The following NRXN1 variants were observed in gnomAD, a reference collection of about 807,000 sequenced individuals.
NRXN1 encodes neurexin 1, also known as neurexin-1.
NRXN1 carries 39 observed loss-of-function variants against 150.9 expected under a neutral mutation model. That is an observed-to-expected ratio of 0.26 (90% CI 0.20 to 0.34). The LOEUF is 0.34. Among genes scored for constraint, NRXN1 ranks in the 10% least tolerant of loss-of-function variants. The probability of loss-of-function intolerance (pLI) is 1.00; values close to 1 mark genes in which losing one functional copy is unlikely to be tolerated. For missense variants in NRXN1, 1,815 were observed against 1,949.9 expected, an observed-to-expected ratio of 0.93 and a Z score of 1.30; for synonymous variants, 924 against 757.0, an observed-to-expected ratio of 1.22 and a Z score of -3.62.
intron 5 of NRXN1, 120 bp downstream of exon 5, chr2:50,921,749 C>T (rs1686066322): frequency 2.4e-6 from 1 of 413,298 alleles, no homozygotes; most frequent in Admixed American, 4.4e-5. Flanking sequence ...TATTTATTAA[C>T]ACATATACCT....
intron 5 of NRXN1, among the ~76,000 whole-genome samples, chr2:50,642,196 C>A (rs996061451): frequency 2.0e-5 from 3 of 152,014 alleles, no homozygotes. Flanking sequence ...AGGCACCATG[C>A]TAATTGCTTT....
intron 17 of NRXN1, among the ~76,000 whole-genome samples, chr2:50,282,779 G>A (rs1050575011): frequency 2.0e-5 from 3 of 152,026 alleles, no homozygotes; most frequent in Non-Finnish European, 2.9e-5. Flanking sequence ...TCCACAATTT[G>A]TTGACTAATT....
At chr2:50,191,085 C>A (rs3850328) in intron 18 of NRXN1, among the ~76,000 whole-genome samples, 27,221 of 151,768 alleles carry the variant, frequency 0.18, 2,910 homozygotes, top group East Asian at 0.4. Context: ...CTGGAGTGCA[C>A]TGGCGTGATC....
intron 17 of NRXN1, among the ~76,000 whole-genome samples, chr2:50,269,501 A>T (rs2152921560): frequency 6.6e-6 from 1 of 152,358 alleles, no homozygotes; most frequent in Non-Finnish European, 1.5e-5. Context: ...ATAACAGATT[A>T]TATCTGGCCA....
chr2:50,703,522 C>A (rs544730409), intron 5 of NRXN1, among the ~76,000 whole-genome samples: 15 of 152,170 alleles, frequency 9.9e-5, no homozygotes, highest in African/African-American at 3.6e-4. Flanking sequence ...ATGTTATAGT[C>A]CATTTGAGAA....
intron 8 of NRXN1, among the ~76,000 whole-genome samples, chr2:50,584,626 TG>T (rs1672801376): frequency 6.6e-6 from 1 of 152,210 alleles, no homozygotes; most frequent in African/African-American, 2.4e-5. Context: ...GTGCAAGTGG[TG>T]GAGCAAAGAA....
At chr2:49,956,919 C>T (rs1350740265) in intron 21 of NRXN1, among the ~76,000 whole-genome samples, 1 of 152,064 alleles carries the variant, frequency 6.6e-6, no homozygotes, top group Non-Finnish European at 1.5e-5. Context: ...GATAATTTGC[C>T]ATATAATCAT....
At chr2:49,935,558 G>C (rs1346281551) in intron 22 of NRXN1, among the ~76,000 whole-genome samples, 1 of 152,194 alleles carries the variant, frequency 6.6e-6, no homozygotes, top group East Asian at 1.9e-4. Context: ...TAATCGACAA[G>C]TTACTGTGTT....
chr2:50,515,839 T>A (rs1439765918), intron 12 of NRXN1, among the ~76,000 whole-genome samples: 1 of 152,108 alleles, frequency 6.6e-6, no homozygotes, highest in Non-Finnish European at 1.5e-5. Flanking sequence ...TACCACTGCT[T>A]GATGCCTGAG....
At chr2:50,349,727 A>T (rs1158194524) in intron 17 of NRXN1, among the ~76,000 whole-genome samples, 2 of 152,182 alleles carry the variant, frequency 1.3e-5, no homozygotes, top group Non-Finnish European at 2.9e-5. Context: ...AAATATGTCA[A>T]CTGCTCCCTG....
rs17039590 is a variant in NRXN1, at chr2:49,968,522, C to G, written c.4129-24731G>C. On this transcript the variant is annotated intron_variant, in intron 21 of 22. Transcript: ENST00000401669. ...TTGAGACAAGCTACTTGGGTCCTCT[C>G]TGGATATTCTAGTACCCTCGGTGTC... Among the ~76,000 whole-genome samples, 1,000 of 152,128 alleles carry G rather than the reference C, an allele frequency of 6.6e-3. 9 individuals carry two copies. The highest frequency in any genetic ancestry group is 0.022 in the African/African-American group (928 of 41,518).
chr2:51,009,772 G>T (rs1157440279), intron 2 of NRXN1, among the ~76,000 whole-genome samples: 1 of 151,882 alleles, frequency 6.6e-6, no homozygotes, highest in Non-Finnish European at 1.5e-5. Flanking sequence ...GACAGAGATG[G>T]ATAACAACCG....
intron 18 of NRXN1, among the ~76,000 whole-genome samples, chr2:50,149,654 A>C (rs927468803): frequency 6.6e-6 from 1 of 151,650 alleles, no homozygotes; most frequent in South Asian, 2.1e-4. Flanking sequence ...CTTTTACACT[A>C]AACTGTGAGC....
rs1393548320 is a variant in NRXN1, at chr2:49,974,078, C to G, written c.4129-30287G>C. On this transcript the variant is annotated intron_variant, in intron 21 of 22. Transcript: ENST00000401669. ...AATCCTAGGAAATTTAGTCCATCCT[C>G]TGAAATCAATACTGGTGACAGGAGA... 10 of 717,286 alleles carry G rather than the reference C, an allele frequency of 1.4e-5. No individual in the cohort carries two copies. The Admixed American group carries it at 2.0e-4, about 14-fold the overall frequency. 44.4% of individuals were successfully genotyped at this position (717,286 alleles called of 1,614,324 possible). A position where few individuals can be genotyped will look rare whatever the true frequency, so the allele number is the denominator to read the frequency against.
At chr2:50,353,094 TG>T (rs1572647305) in intron 17 of NRXN1, among the ~76,000 whole-genome samples, 5 of 152,226 alleles carry the variant, frequency 3.3e-5, no homozygotes, top group Admixed American at 3.3e-4. Flanking sequence ...AAAGCCTAGA[TG>T]TGCAGTTTGA....
chr2:50,417,025 C>T (rs184144551), intron 17 of NRXN1: 1 of 152,184 alleles, frequency 6.6e-6, no homozygotes, highest in East Asian at 1.9e-4. Flanking sequence ...AAAACAGTAA[C>T]GGTTTCCTTT....
chr2:50,787,589 C>T (rs907311731), intron 5 of NRXN1, among the ~76,000 whole-genome samples: 3 of 129,284 alleles, frequency 2.3e-5, no homozygotes, highest in African/African-American at 7.6e-5. Context: ...AAAACAACAA[C>T]AACAACAACA....
At chr2:50,786,993 A>G (rs1157482370) in intron 5 of NRXN1, among the ~76,000 whole-genome samples, 1 of 152,192 alleles carries the variant, frequency 6.6e-6, no homozygotes, top group Non-Finnish European at 1.5e-5. Flanking sequence ...ATATGCAAAG[A>G]TGAATGCATT....
In NRXN1 at chr2:50,552,484, A is replaced by C. The variant is rs1003133325; in HGVS notation, c.1759+103T>G. 8.5e-6 allele frequency: 7 copies of C among 827,602 alleles called. No individual in the cohort carries two copies. The African/African-American group carries it at 1.2e-4, about 14-fold the overall frequency. The allele number at this position is 827,602 out of a possible 1,614,324, so 51.3% of individuals were successfully genotyped here. A position where few individuals can be genotyped will look rare whatever the true frequency, so the allele number is the denominator to read the frequency against. Reference sequence around the variant, plus strand: ...CAATTTCTTTTAGGCTAAAGAAACAAATGCAGGAAGTCTTTAATATGTCTT... The same window carrying C: ...CAATTTCTTTTAGGCTAAAGAAACACATGCAGGAAGTCTTTAATATGTCTT... On this transcript the variant is annotated intron_variant, in intron 9 of 22. Transcript: ENST00000401669.
Sources: gnomAD v4.1 joint callset for allele counts (sites outside exome capture counted in the v4.1 genomes callset) on GRCh38, gnomAD v4.1.1 for gene constraint, MANE v1.5 for transcripts, NCBI Gene and HGNC (gene_info 2026-07-23, HGNC 2026-07-21) for gene names.